N4BP1: variants seen among roughly 807,000 people sequenced by gnomAD.
The protein encoded by N4BP1 is NEDD4-binding protein 1.
Under a neutral mutation model 70.9 loss-of-function variants are expected in N4BP1, and 21 were observed. That is an observed-to-expected ratio of 0.30 (90% CI 0.21 to 0.43). N4BP1 has a LOEUF of 0.43. Among genes scored for constraint, N4BP1 ranks in the 20% least tolerant of loss-of-function variants. N4BP1 has a pLI of 1.00. For synonymous variants in N4BP1, 387 were observed against 394.6 expected (o/e 0.98, Z 0.23); for missense variants, 936 against 1,069.4 (o/e 0.88, Z 1.74).
chr16:48,580,216 AAAGAG>A lies in N4BP1; in HGVS notation c.199-17777_199-17773del, dbSNP rs376517047. 2.3e-3 allele frequency among the ~76,000 whole-genome samples: 357 copies of A among 152,272 alleles called. 2 individuals are homozygous for A. Among genetic ancestry groups the A allele is most frequent in the African/African-American group, 8.3e-3 (344 of 41,586 alleles). On this transcript the variant is annotated intron_variant, in intron 1 of 6. Transcript: ENST00000262384. ...ATAACCCTTTAGCTAGACTAAGAAA[AAAGAG>A]GAGACAAAATCAGAAATGAAAAAGT...
intron 1 of N4BP1, 91 bp downstream of exon 1, chr16:48,609,684 C>CGCGGCGG (rs1964647343): frequency 8.9e-6 from 10 of 1,128,612 alleles, no homozygotes; most frequent in South Asian, 3.3e-5. Flanking sequence ...CCAGGCGCAT[C>CGCGGCGG]GCGGCGGACG....
intron 1 of N4BP1, among the ~76,000 whole-genome samples, chr16:48,607,331 G>T (rs1567449486): frequency 6.6e-6 from 1 of 152,210 alleles, no homozygotes; most frequent in Admixed American, 6.5e-5. Flanking sequence ...GAACCCAGAG[G>T]AGGCAGAACG....
chr16:48,600,502 A>G, intron 1 of N4BP1: 1 of 598,832 alleles, frequency 1.7e-6, no homozygotes, highest in Non-Finnish European at 3.2e-6. Context: ...AGATTGAAGA[A>G]AAATAAGAGC....
At chr16:48,587,911 G>A (rs546403874) in intron 1 of N4BP1, among the ~76,000 whole-genome samples, 2 of 152,056 alleles carry the variant, frequency 1.3e-5, no homozygotes, top group South Asian at 2.1e-4. Context: ...TGAAGAGAGA[G>A]GAATTCATCT....
At chr16:48,579,904 G>A (rs926457863) in intron 1 of N4BP1, among the ~76,000 whole-genome samples, 3 of 151,962 alleles carry the variant, frequency 2.0e-5, no homozygotes, top group African/African-American at 7.3e-5. Context: ...AATTCAGCAT[G>A]ACAGTATAAC....
In N4BP1 at chr16:48,554,716, A is replaced by G. The variant is rs569168751; in HGVS notation, c.1890-1047T>C. 1.4e-4 allele frequency among the ~76,000 whole-genome samples: 21 copies of G among 152,354 alleles called. 1 individual carries two copies. In the South Asian group the frequency reaches 4.4e-3, roughly 32 times the overall value. ...ATCTTCTCTCCATGTCTAATGCTGC[A>G]TGCCAAAACTGCTCTGTAGAAATAC... On this transcript the variant is annotated intron_variant, in intron 2 of 6. Coordinates refer to ENST00000262384, the MANE Select transcript of N4BP1 (RefSeq NM_153029.4).
At chr16:48,543,390 G>T in intron 6 of N4BP1, 129 bp from the exon 7 acceptor site, 1 of 728,958 alleles carries the variant, frequency 1.4e-6, no homozygotes, top group Non-Finnish European at 2.1e-6. Flanking sequence ...AAGGCAGGAT[G>T]CAAGACTGAG....
chr16:48,592,112 T>C (rs7191028), intron 1 of N4BP1, among the ~76,000 whole-genome samples: 62,906 of 151,896 alleles, frequency 0.41, 14,272 homozygotes, highest in African/African-American at 0.6. Flanking sequence ...AGAGATGAGA[T>C]TCCCATGGGG....
rs1166882051 is a variant in N4BP1, at chr16:48,544,442, G to A, written c.2334-1181C>T. Among the ~76,000 whole-genome samples the A allele has an allele frequency of 4.6e-5, 7 of 152,302 alleles. No homozygotes were observed. In the South Asian group the frequency reaches 8.3e-4, roughly 18 times the overall value. On this transcript the variant is annotated intron_variant, in intron 6 of 6. Transcript: ENST00000262384. ...GAGAGAGCTGTGTGTCTTCCTCTCA[G>A]CTTAGACCCCCCATCACACCCCCAT...
chr16:48,552,736 A>AAAAAAAAAAC, intron 3 of N4BP1, among the ~76,000 whole-genome samples: 2 of 145,270 alleles, frequency 1.4e-5, no homozygotes, highest in South Asian at 4.4e-4. Context: ...AAAAAAAAAA[A>AAAAAAAAAAC]AAGACTCCTT....
At chr16:48,578,186 C>A (rs570178103) in intron 1 of N4BP1, 25 of 175,700 alleles carry the variant, frequency 1.4e-4, no homozygotes, top group African/African-American at 4.7e-4. Context: ...TCTTCATGTT[C>A]TTGACCAGGT....
chr16:48,599,947 A>G (rs1567446433), intron 1 of N4BP1, among the ~76,000 whole-genome samples: 1 of 152,252 alleles, frequency 6.6e-6, no homozygotes, highest in Non-Finnish European at 1.5e-5. Flanking sequence ...AATGAAAGAA[A>G]ACCCTTATTT....
At chr16:48,546,460 C>CG in intron 5 of N4BP1, 1 of 380,722 alleles carries the variant, frequency 2.6e-6, no homozygotes, top group Non-Finnish European at 4.6e-6. Context: ...ATAGTCAGAA[C>CG]GTTTTATCAG....
At chr16:48,552,929 T>C (rs572303166) in intron 3 of N4BP1, among the ~76,000 whole-genome samples, 2 of 152,170 alleles carry the variant, frequency 1.3e-5, no homozygotes, top group East Asian at 1.9e-4. Flanking sequence ...GCTGGGCAAG[T>C]CCTGTACTGA....
chr16:48,541,944 C>G lies in N4BP1; in HGVS notation c.*960G>C, dbSNP rs1963505481. 6.5e-6 allele frequency: 1 copy of G among 152,686 alleles called. No homozygotes were observed. The highest frequency in any genetic ancestry group is 6.5e-5 in the Admixed American group (1 of 15,288). The allele number at this position is 152,686 out of a possible 1,614,324, so 9.5% of individuals were successfully genotyped here. A position where few individuals can be genotyped will look rare whatever the true frequency, so the allele number is the denominator to read the frequency against. Reference sequence around the variant, plus strand: ...AATAGAAAACCATTTTTTGGCAAAGCTGTACAAACTCCACATCAGGGCGTC... The same window carrying G: ...AATAGAAAACCATTTTTTGGCAAAGGTGTACAAACTCCACATCAGGGCGTC... On this transcript the variant is annotated 3_prime_UTR_variant, in exon 7 of 7. Coordinates refer to ENST00000262384, the MANE Select transcript of N4BP1 (RefSeq NM_153029.4).
intron 1 of N4BP1, among the ~76,000 whole-genome samples, chr16:48,565,812 AT>A (rs1240756104): frequency 1.3e-5 from 2 of 152,216 alleles, no homozygotes; most frequent in Non-Finnish European, 2.9e-5. Flanking sequence ...TTAATAGACA[AT>A]TTTGAATAGC....
chr16:48,584,175 C>T (rs754325117), intron 1 of N4BP1, among the ~76,000 whole-genome samples: 55 of 152,128 alleles, frequency 3.6e-4, no homozygotes, highest in Non-Finnish European at 6.5e-4. Flanking sequence ...ATGGTCTGAC[C>T]ATATGGTGAT....
At chr16:48,560,674 T>C (rs1180204765) in intron 2 of N4BP1, 80 bp downstream of exon 2, 10 of 1,494,192 alleles carry the variant, frequency 6.7e-6, no homozygotes, top group Non-Finnish European at 9.0e-6. Flanking sequence ...CATGTATGTA[T>C]AGTTCCCATA....
At chr16:48,548,182 G>A in intron 4 of N4BP1, 68 bp from the exon 5 acceptor site, 2 of 900,022 alleles carry the variant, frequency 2.2e-6, no homozygotes, top group Non-Finnish European at 3.6e-6. Context: ...CATGTTATAA[G>A]AAGAGAATAT....
Sources: gnomAD v4.1 joint callset for allele counts (sites outside exome capture counted in the v4.1 genomes callset) on GRCh38, gnomAD v4.1.1 for gene constraint, MANE v1.5 for transcripts, NCBI Gene and HGNC (gene_info 2026-07-23, HGNC 2026-07-21) for gene names.